Variants in NKAIN3 observed in about 807,000 individuals in gnomAD.
The protein encoded by NKAIN3 is sodium/potassium transporting ATPase interacting 3.
In NKAIN3, 25 loss-of-function variants were observed where a neutral mutation model predicts 30.2. The observed-to-expected ratio is 0.83, with a 90% CI of 0.60 to 1.16. The LOEUF (loss-of-function observed/expected upper bound fraction) is 1.16, where lower values mean the gene tolerates loss of function less well. Among genes scored for constraint, NKAIN3 ranks in the 50% most tolerant of loss-of-function variants. The pLI is 0.00. For missense variants in NKAIN3, 225 were observed against 254.1 expected, an observed-to-expected ratio of 0.89 and a Z score of 0.78; for synonymous variants, 91 against 89.6, an observed-to-expected ratio of 1.02 and a Z score of -0.09.
intron 1 of NKAIN3, among the ~76,000 whole-genome samples, chr8:62,426,833 C>T (rs1306765815): frequency 6.6e-6 from 1 of 151,932 alleles, no homozygotes; most frequent in Non-Finnish European, 1.5e-5. Flanking sequence ...TTATCCATGT[C>T]AAGTTGTTAT....
intron 4 of NKAIN3, among the ~76,000 whole-genome samples, chr8:62,810,126 G>T (rs1818442338): frequency 6.6e-6 from 1 of 152,098 alleles, no homozygotes; most frequent in Non-Finnish European, 1.5e-5. Flanking sequence ...TCAGCTGCTT[G>T]CTTGCATAAT....
intron 1 of NKAIN3, among the ~76,000 whole-genome samples, chr8:62,498,400 C>A (rs1178455733): frequency 6.6e-6 from 1 of 152,042 alleles, no homozygotes; most frequent in African/African-American, 2.4e-5. Flanking sequence ...CATTCCCTAC[C>A]TTTCAGCTCC....
At chr8:62,342,908 C>T (rs1815799952) in intron 1 of NKAIN3, among the ~76,000 whole-genome samples, 1 of 151,936 alleles carries the variant, frequency 6.6e-6, no homozygotes, top group African/African-American at 2.4e-5. Context: ...ATATAACTAT[C>T]AATGTGCCAA....
chr8:62,459,650 T>C (rs1304134787), intron 1 of NKAIN3, among the ~76,000 whole-genome samples: 1 of 152,134 alleles, frequency 6.6e-6, no homozygotes, highest in Non-Finnish European at 1.5e-5. Context: ...TTTAGTAAGG[T>C]CAAGAAAAGT....
At position 62,631,200 on chromosome 8, in the gene NKAIN3, C is replaced by G. The variant is rs569238123; in HGVS notation, c.273+41406C>G. 3.9e-5 allele frequency among the ~76,000 whole-genome samples: 6 copies of G among 152,240 alleles called. No individual in the cohort carries two copies. The East Asian group carries it at 7.7e-4, about 20-fold the overall frequency. On this transcript the variant is annotated intron_variant, in intron 3 of 6. Transcript: ENST00000623646. ...ATACTACCATCAACTCTTTCGAAAA[C>G]CCACATCTCCAGAGAGACATTGTTC...
intron 3 of NKAIN3, among the ~76,000 whole-genome samples, chr8:62,617,371 G>C (rs1232392273): frequency 6.6e-6 from 1 of 152,144 alleles, no homozygotes; most frequent in East Asian, 1.9e-4. Context: ...GTTTTTATTA[G>C]ACCACACTAA....
intron 1 of NKAIN3, among the ~76,000 whole-genome samples, chr8:62,320,423 A>G (rs1403443853): frequency 1.3e-5 from 2 of 152,100 alleles, no homozygotes; most frequent in Non-Finnish European, 2.9e-5. Flanking sequence ...GTTTCTTCCT[A>G]GCCTCGATGG....
At chr8:62,568,443 C>T (rs943817734) in intron 1 of NKAIN3, among the ~76,000 whole-genome samples, 5 of 151,968 alleles carry the variant, frequency 3.3e-5, no homozygotes, top group Admixed American at 6.6e-5. Flanking sequence ...TTGCCTTTTT[C>T]GACACATTGA....
chr8:62,362,437 T>TGAG (rs1816596325), intron 1 of NKAIN3, among the ~76,000 whole-genome samples: 1 of 151,996 alleles, frequency 6.6e-6, no homozygotes, highest in African/African-American at 2.4e-5. Flanking sequence ...AAACACTTGG[T>TGAG]GAGGAAACAG....
chr8:62,438,720 C>T (rs528236462), intron 1 of NKAIN3, among the ~76,000 whole-genome samples: 21 of 152,252 alleles, frequency 1.4e-4, no homozygotes, highest in African/African-American at 4.3e-4. Context: ...TGCCACCATG[C>T]CCAGCCAATT....
chr8:62,902,335 G>A (rs1021252713), intron 4 of NKAIN3, among the ~76,000 whole-genome samples: 3 of 152,236 alleles, frequency 2.0e-5, no homozygotes, highest in Non-Finnish European at 4.4e-5. Flanking sequence ...AGAGGTTGAA[G>A]TCAATAGCTC....
rs150182126 is a variant in NKAIN3 at position 62,754,713 on chromosome 8, C to G, written c.471+7584C>G. Among the ~76,000 whole-genome samples the G allele has an allele frequency of 1.1e-4, 17 of 152,242 alleles. No homozygotes were observed. In the East Asian group the frequency reaches 3.3e-3, roughly 29 times the overall value. ...TGTTCTCTGCCTTTCATATCGGACACATTCAGCTTAATGATAAATTAAAAC... is the reference window on the plus strand; with the variant it reads ...TGTTCTCTGCCTTTCATATCGGACAGATTCAGCTTAATGATAAATTAAAAC... On this transcript the variant is annotated intron_variant, in intron 4 of 6. Transcript: ENST00000623646.
intron 3 of NKAIN3, among the ~76,000 whole-genome samples, chr8:62,659,103 C>T (rs987308725): frequency 6.6e-6 from 1 of 152,204 alleles, no homozygotes; most frequent in African/African-American, 2.4e-5. Context: ...ATCACTTCGT[C>T]ACTGGGCTTG....
At chr8:62,869,300 T>C (rs1200082815) in intron 4 of NKAIN3, among the ~76,000 whole-genome samples, 1 of 152,122 alleles carries the variant, frequency 6.6e-6, no homozygotes, top group African/African-American at 2.4e-5. Flanking sequence ...GTCCTAATGC[T>C]CTCCCTCCCC....
chr8:62,649,868 A>C (rs1812575243), intron 3 of NKAIN3, among the ~76,000 whole-genome samples: 1 of 152,166 alleles, frequency 6.6e-6, no homozygotes, highest in African/African-American at 2.4e-5. Context: ...TCCAGAGTCC[A>C]AACAGGCCCC....
rs201720381 is a variant in NKAIN3, at chr8:62,802,310, G to A, written c.471+55181G>A. Among the ~76,000 whole-genome samples, 834 of 152,196 alleles carry A rather than the reference G, an allele frequency of 5.5e-3. 7 individuals carry two copies. Among genetic ancestry groups the A allele is most frequent in the African/African-American group, 0.019 (794 of 41,508 alleles). ...CTCGAGAAGAGCAACTCCAAGACAC[G>A]TAGTTGTCAGATTCACCAAAGTTGA... On this transcript the variant is annotated intron_variant, in intron 4 of 6. Transcript: ENST00000623646.
At chr8:62,876,392 G>C (rs1820793375) in intron 4 of NKAIN3, among the ~76,000 whole-genome samples, 1 of 152,156 alleles carries the variant, frequency 6.6e-6, no homozygotes, top group African/African-American at 2.4e-5. Flanking sequence ...AACCATTGTA[G>C]AAGACAGTGT....
chr8:62,442,580 T>G (rs947963755), intron 1 of NKAIN3, among the ~76,000 whole-genome samples: 21 of 151,958 alleles, frequency 1.4e-4, no homozygotes, highest in Admixed American at 1.3e-4. Flanking sequence ...AATGTTTCTT[T>G]TTTATTTCAC....
intron 3 of NKAIN3, among the ~76,000 whole-genome samples, chr8:62,610,860 G>T (rs556993641): frequency 1.3e-5 from 2 of 152,200 alleles, no homozygotes; most frequent in South Asian, 2.1e-4. Flanking sequence ...GTTGAAATGA[G>T]CCCTACTACG....
Sources: gnomAD v4.1 joint callset for allele counts (sites outside exome capture counted in the v4.1 genomes callset) on GRCh38, gnomAD v4.1.1 for gene constraint, MANE v1.5 for transcripts, NCBI Gene and HGNC (gene_info 2026-07-23, HGNC 2026-07-21) for gene names.